ESRRB: variants seen among roughly 807,000 people sequenced by gnomAD.
The protein encoded by ESRRB is steroid hormone receptor ERR2.
In ESRRB, 16 loss-of-function variants were observed where a neutral mutation model predicts 46.0. The observed-to-expected ratio is 0.35, with a 90% CI of 0.24 to 0.53. The LOEUF is 0.53. ESRRB is among the 20% of genes least tolerant of loss of function. ESRRB has a pLI of 0.93. For synonymous variants in ESRRB, 246 were observed against 259.6 expected, an observed-to-expected ratio of 0.95 and a Z score of 0.50; for missense variants, 488 against 607.4, an observed-to-expected ratio of 0.80 and a Z score of 2.07.
At chr14:76,314,950 C>A (rs956571595) in intron 1 of ESRRB, among the ~76,000 whole-genome samples, 2 of 152,094 alleles carry the variant, frequency 1.3e-5, no homozygotes, top group Non-Finnish European at 2.9e-5. Context: ...AACACACATC[C>A]TTTTTTCTGC....
At chr14:76,312,953 G>A (rs1309687785) in intron 1 of ESRRB, among the ~76,000 whole-genome samples, 1 of 152,200 alleles carries the variant, frequency 6.6e-6, no homozygotes, top group African/African-American at 2.4e-5. Context: ...CTGGCCCACT[G>A]TGCAGGCCCA....
At chr14:76,314,487 G>A (rs764484431) in intron 1 of ESRRB, among the ~76,000 whole-genome samples, 1 of 152,128 alleles carries the variant, frequency 6.6e-6, no homozygotes. Flanking sequence ...GGTGGGGCCA[G>A]AGAAATGGAT....
At chr14:76,348,498 G>A (rs947440877) in intron 1 of ESRRB, among the ~76,000 whole-genome samples, 2 of 152,194 alleles carry the variant, frequency 1.3e-5, no homozygotes, top group Middle Eastern at 3.2e-3. Flanking sequence ...GCTCACCTGT[G>A]CAAGACCTCA....
At chr14:76,438,591 G>C (rs1432206242) in intron 1 of ESRRB, among the ~76,000 whole-genome samples, 1 of 151,856 alleles carries the variant, frequency 6.6e-6, no homozygotes, top group African/African-American at 2.4e-5. Context: ...TTGAACCCAG[G>C]AGGTGGAGGT....
chr14:76,495,017 C>T (rs1007376740), intron 6 of ESRRB, among the ~76,000 whole-genome samples: 13 of 152,168 alleles, frequency 8.5e-5, no homozygotes, highest in Admixed American at 4.6e-4. Flanking sequence ...CACATGGACC[C>T]GCACACATAC....
intron 2 of ESRRB, among the ~76,000 whole-genome samples, chr14:76,454,934 C>A (rs1414103405): frequency 8.0e-6 from 1 of 125,180 alleles, no homozygotes; most frequent in Non-Finnish European, 1.8e-5. Context: ...CCAAGGCAGG[C>A]AGATCACCAG....
intron 1 of ESRRB, among the ~76,000 whole-genome samples, chr14:76,417,796 A>G (rs1008667796): frequency 3.3e-5 from 5 of 152,150 alleles, no homozygotes; most frequent in Non-Finnish European, 5.9e-5. Context: ...AAGCCTTCCC[A>G]GAGGCCCGAG....
intron 2 of ESRRB, among the ~76,000 whole-genome samples, chr14:76,451,789 A>ATTTTTTT (rs111716273): frequency 1.5e-4 from 18 of 122,770 alleles, no homozygotes; most frequent in East Asian, 4.8e-4. Context: ...TGCCCAGCTA[A>ATTTTTTT]TTTTTTTTTT....
chr14:76,360,335 A>T (rs139872303), intron 1 of ESRRB, among the ~76,000 whole-genome samples: 1 of 152,264 alleles, frequency 6.6e-6, no homozygotes, highest in East Asian at 1.9e-4. Flanking sequence ...GAACTCCAAG[A>T]TACTTGGGTC....
At chr14:76,331,238 G>C (rs950621204) in intron 1 of ESRRB, among the ~76,000 whole-genome samples, 2 of 152,206 alleles carry the variant, frequency 1.3e-5, no homozygotes, top group African/African-American at 4.8e-5. Flanking sequence ...TGAGTTCTGG[G>C]CATTTCCCTG....
chr14:76,374,534 TG>T (rs1395268462), upstream of ESRRB, among the ~76,000 whole-genome samples: 1 of 152,114 alleles, frequency 6.6e-6, no homozygotes, highest in African/African-American at 2.4e-5. Flanking sequence ...GGACATTGGA[TG>T]TGCATTTTAC....
intron 3 of ESRRB, among the ~76,000 whole-genome samples, chr14:76,480,869 G>T (rs939489690): frequency 6.6e-6 from 1 of 152,344 alleles, no homozygotes; most frequent in East Asian, 1.9e-4. Context: ...TCGCAGCAGA[G>T]GCTGAGGTGG....
At chr14:76,465,165 G>T (rs1889052862) in intron 3 of ESRRB, among the ~76,000 whole-genome samples, 1 of 152,156 alleles carries the variant, frequency 6.6e-6, no homozygotes, top group Admixed American at 6.5e-5. Context: ...GCCCTACAGG[G>T]GCTGGGGTGA....
At chr14:76,430,917 T>C (rs1887412347) in intron 1 of ESRRB, among the ~76,000 whole-genome samples, 1 of 152,214 alleles carries the variant, frequency 6.6e-6, no homozygotes, top group Non-Finnish European at 1.5e-5. Context: ...TGGACGCTTA[T>C]CAGGCCAGTC....
chr14:76,375,506 G>A (rs1566864660), upstream of ESRRB, among the ~76,000 whole-genome samples: 1 of 152,192 alleles, frequency 6.6e-6, no homozygotes, highest in Admixed American at 6.5e-5. Context: ...AATGACTAGA[G>A]CATCACTTCA....
chr14:76,447,600 G>A (rs189516358), intron 2 of ESRRB, among the ~76,000 whole-genome samples: 6 of 152,224 alleles, frequency 3.9e-5, no homozygotes, highest in Admixed American at 2.6e-4. Flanking sequence ...AAACAGAAGC[G>A]GTTTTCCTTC....
In ESRRB at chr14:76,323,567, C is replaced by T. The variant is rs147785972; in HGVS notation, c.2+12651C>T. Reference sequence around the variant, plus strand: ...TCAAGCAATTCTCCCACCTCAGCCTCCCAAAGTGTTCAGATTACAGGTATG... The same window carrying T: ...TCAAGCAATTCTCCCACCTCAGCCTTCCAAAGTGTTCAGATTACAGGTATG... On this transcript the variant is annotated intron_variant, in intron 1 of 6. Transcript: ENST00000512784. Among the ~76,000 whole-genome samples the T allele has an allele frequency of 2.3e-3, 344 of 152,248 alleles. 1 individual carries two copies. The highest frequency in any genetic ancestry group is 7.9e-3 in the African/African-American group (327 of 41,534).
intron 1 of ESRRB, among the ~76,000 whole-genome samples, chr14:76,334,599 G>C (rs1884104343): frequency 6.6e-6 from 1 of 152,214 alleles, no homozygotes; most frequent in African/African-American, 2.4e-5. Context: ...GGAGTCATTT[G>C]CAGCAAGGCA....
chr14:76,351,346 G>A (rs1884311120), intron 1 of ESRRB, among the ~76,000 whole-genome samples: 1 of 151,048 alleles, frequency 6.6e-6, no homozygotes, highest in African/African-American at 2.4e-5. Context: ...AAACCCTGGG[G>A]AGGATTCTTC....
Sources: gnomAD v4.1 joint callset for allele counts (sites outside exome capture counted in the v4.1 genomes callset) on GRCh38, gnomAD v4.1.1 for gene constraint, MANE v1.5 for transcripts, NCBI Gene and HGNC (gene_info 2026-07-23, HGNC 2026-07-21) for gene names.